Variants in OCA2 observed in about 807,000 individuals in gnomAD.
OCA2 encodes the protein OCA2 melanosomal transmembrane protein.
In OCA2, 77 loss-of-function variants were observed where a neutral mutation model predicts 100.2. The observed-to-expected ratio is 0.77, with a 90% CI of 0.64 to 0.93. The LOEUF (loss-of-function observed/expected upper bound fraction) is 0.93. OCA2 is among the 40% of genes least tolerant of loss of function. OCA2 has a pLI of 0.00. For synonymous variants in OCA2, 432 were observed against 439.2 expected, an observed-to-expected ratio of 0.98 and a Z score of 0.21; for missense variants, 1,062 against 1,089.1, an observed-to-expected ratio of 0.98 and a Z score of 0.35.
At chr15:27,845,717 C>T (rs549901494) in intron 22 of OCA2, among the ~76,000 whole-genome samples, 2 of 152,286 alleles carry the variant, frequency 1.3e-5, no homozygotes, top group Admixed American at 6.5e-5. Context: ...TCCCAGCCAT[C>T]GTGGTCAGTG....
chr15:28,086,483 C>G (rs1278525020), intron 1 of OCA2, among the ~76,000 whole-genome samples: 1 of 152,118 alleles, frequency 6.6e-6, no homozygotes, highest in Admixed American at 6.5e-5. Context: ...CTTCTGCTGG[C>G]GTGGTGTCAA....
intron 3 of OCA2, among the ~76,000 whole-genome samples, chr15:28,031,540 G>A (rs3829488): frequency 6.6e-6 from 1 of 152,174 alleles, no homozygotes; most frequent in East Asian, 1.9e-4. Flanking sequence ...ACCCTGATTT[G>A]TGCCCAAAAA....
chr15:27,889,327 T>C (rs577847246), intron 19 of OCA2, among the ~76,000 whole-genome samples: 1 of 152,158 alleles, frequency 6.6e-6, no homozygotes, highest in East Asian at 1.9e-4. Flanking sequence ...AGTAGGATAA[T>C]GTGGGAGCAT....
chr15:27,766,538 T>C (rs1480228564), intron 23 of OCA2, among the ~76,000 whole-genome samples: 1 of 152,226 alleles, frequency 6.6e-6, no homozygotes, highest in Non-Finnish European at 1.5e-5. Flanking sequence ...AGTGTTGGCC[T>C]TGGCTTGGGG....
chr15:27,876,893 G>C (rs976785240), intron 19 of OCA2, among the ~76,000 whole-genome samples: 5 of 151,574 alleles, frequency 3.3e-5, no homozygotes, highest in African/African-American at 1.2e-4. Flanking sequence ...CTACTTTGTT[G>C]ATTCTGATCT....
intron 23 of OCA2, among the ~76,000 whole-genome samples, chr15:27,768,814 G>C (rs998672288): frequency 2.0e-5 from 3 of 152,198 alleles, no homozygotes; most frequent in African/African-American, 7.2e-5. Flanking sequence ...GAAGGGGAAG[G>C]CAAGGCCTGC....
chr15:27,729,289 A>ATTT, the OCA2 span, among the ~76,000 whole-genome samples: 61 of 111,204 alleles, frequency 5.5e-4, no homozygotes, highest in East Asian at 1.3e-3. Context: ...ATTATCATCT[A>ATTT]TTTTTTTTTT....
At chr15:27,890,751 G>C (rs541255067) in intron 19 of OCA2, among the ~76,000 whole-genome samples, 1 of 152,134 alleles carries the variant, frequency 6.6e-6, no homozygotes, top group Admixed American at 6.5e-5. Flanking sequence ...AGACAGGCTG[G>C]GTGTGGTGGC....
At chr15:28,011,376 G>A (rs1188408687) in intron 9 of OCA2, among the ~76,000 whole-genome samples, 1 of 152,136 alleles carries the variant, frequency 6.6e-6, no homozygotes, top group African/African-American at 2.4e-5. Context: ...ACCGAGGTAG[G>A]AGGATCACTT....
At chr15:27,905,006 A>G (rs1036514273) in intron 19 of OCA2, among the ~76,000 whole-genome samples, 5 of 152,158 alleles carry the variant, frequency 3.3e-5, no homozygotes, top group African/African-American at 1.2e-4. Flanking sequence ...TCTACTAAAA[A>G]TACAAAAATT....
chr15:27,817,276 G>A (rs1480707854), intron 23 of OCA2, among the ~76,000 whole-genome samples: 2 of 152,132 alleles, frequency 1.3e-5, no homozygotes, highest in Admixed American at 6.5e-5. Context: ...AACCCAGCTT[G>A]CAGCACACTC....
chr15:27,719,272 C>T, the OCA2 span, among the ~76,000 whole-genome samples: 7 of 152,178 alleles, frequency 4.6e-5, no homozygotes, highest in Non-Finnish European at 8.8e-5. Flanking sequence ...CTTCTTGCCA[C>T]GTCCTCATAG....
chr15:27,995,461 A>G (rs986154924), intron 9 of OCA2, among the ~76,000 whole-genome samples: 1 of 148,846 alleles, frequency 6.7e-6, no homozygotes, highest in South Asian at 2.2e-4. Context: ...GGTGCAATCA[A>G]AGCTCCCTTT....
chr15:28,015,364 G>A lies in OCA2; in HGVS notation c.891-435C>T, dbSNP rs113660851. Among the ~76,000 whole-genome samples, 1,334 of 152,300 alleles carry A rather than the reference G, an allele frequency of 8.8e-3. 25 individuals carry two copies. The highest frequency in any genetic ancestry group is 0.03 in the African/African-American group (1,266 of 41,544). On this transcript the variant is annotated intron_variant, in intron 8 of 23. Coordinates refer to ENST00000354638, the MANE Select transcript of OCA2 (RefSeq NM_000275.3). ...ACAGGTCTGTGGCGAACACTGAAGC[G>A]TTTTTTCAAGTTCAGGCCAATATGT... is the stretch of plus-strand genomic sequence containing the variant.
chr15:27,914,940 A>C (rs1167434183), intron 19 of OCA2, among the ~76,000 whole-genome samples: 1 of 152,200 alleles, frequency 6.6e-6, no homozygotes, highest in Non-Finnish European at 1.5e-5. Flanking sequence ...AGCTGGAGGC[A>C]TCACATTACC....
In OCA2 at chr15:28,016,170, G is replaced by C. The variant is rs369750458; in HGVS notation, c.824C>G (p.Thr275Arg). The C allele has an allele frequency of 1.2e-6, 2 of 1,613,936 alleles. No homozygotes were observed. The highest frequency in any genetic ancestry group is 2.7e-5 in the African/African-American group (2 of 74,898). Residue 275 changes from threonine (T) to arginine (R), a missense_variant, in exon 8 of 24, where the codon ACG becomes AGG. Thr to Arg is a moderately conservative substitution (Grantham distance 71, BLOSUM62 -1). Coordinates refer to ENST00000354638, the MANE Select transcript of OCA2 (RefSeq NM_000275.3). Reference sequence around the variant, plus strand: ...GCTTCTCCTCGGATTTAAATACACCGTCCAGTTGTGAGTGACCTGTACAAG... The same window carrying C: ...GCTTCTCCTCGGATTTAAATACACCCTCCAGTTGTGAGTGACCTGTACAAG... ...RRPQQVTHNWTVYLNPRRSEH... is the reference protein window; with the variant it reads ...RRPQQVTHNWRVYLNPRRSEH...
At chr15:27,722,588 G>A in the OCA2 span, among the ~76,000 whole-genome samples, 15 of 152,130 alleles carry the variant, frequency 9.9e-5, 1 homozygote, top group African/African-American at 3.4e-4. Context: ...TCCTTAACCT[G>A]TTTTATATTT....
chr15:27,755,232 G>C lies in OCA2; in HGVS notation c.*156C>G. On this transcript the variant is annotated 3_prime_UTR_variant, in exon 24 of 24. Transcript: ENST00000354638. ...GGTGTTCCAACATTCGCTTGAATTA[G>C]AGTGTTAGTGTCAAGGTCTATTCCA... The C allele has an allele frequency of 1.5e-6, 1 of 667,962 alleles. No individual in the cohort carries two copies. Among genetic ancestry groups the C allele is most frequent in the East Asian group, 2.8e-5 (1 of 35,242 alleles). 41.4% of individuals were successfully genotyped at this position (667,962 alleles called of 1,614,324 possible).
At chr15:27,736,352 T>C in the OCA2 span, among the ~76,000 whole-genome samples, 2 of 152,042 alleles carry the variant, frequency 1.3e-5, no homozygotes, top group Non-Finnish European at 2.9e-5. Context: ...AATTCAAGGA[T>C]TCCAAATTTC....
Sources: gnomAD v4.1 joint callset for allele counts (sites outside exome capture counted in the v4.1 genomes callset) on GRCh38, gnomAD v4.1.1 for gene constraint, MANE v1.5 for transcripts, NCBI Gene and HGNC (gene_info 2026-07-23, HGNC 2026-07-21) for gene names.